The following AOPEP variants were observed in gnomAD, a reference collection of about 807,000 sequenced individuals.
The protein encoded by AOPEP is aminopeptidase O (putative).
A neutral mutation model predicts 98.1 loss-of-function variants in AOPEP; 77 were observed. The observed-to-expected ratio is 0.78, with a 90% CI of 0.65 to 0.95. AOPEP has a LOEUF of 0.95. Among genes scored for constraint, AOPEP ranks in the 40% least tolerant of loss-of-function variants. AOPEP has a pLI of 0.00. For missense variants in AOPEP, 1,024 were observed against 1,024.7 expected, an observed-to-expected ratio of 1.00 and a Z score of 0.01; for synonymous variants, 346 against 365.3, an observed-to-expected ratio of 0.95 and a Z score of 0.60.
chr9:94,789,150 C>T (rs1404530791), intron 3 of AOPEP, among the ~76,000 whole-genome samples: 2 of 152,238 alleles, frequency 1.3e-5, no homozygotes, highest in Non-Finnish European at 2.9e-5. Flanking sequence ...ATTCTAGCTT[C>T]CAGTATTCTG....
chr9:94,790,165 G>A (rs1289920309), intron 3 of AOPEP, among the ~76,000 whole-genome samples: 3 of 151,158 alleles, frequency 2.0e-5, no homozygotes, highest in Non-Finnish European at 4.4e-5. Flanking sequence ...GTGAGCCACC[G>A]CGCCCGGCCA....
chr9:94,803,665 G>C (rs1217378467), intron 5 of AOPEP, among the ~76,000 whole-genome samples: 1 of 152,110 alleles, frequency 6.6e-6, no homozygotes, highest in Non-Finnish European at 1.5e-5. Context: ...TTCAAACATG[G>C]CAGTAACTAG....
At chr9:94,928,357 C>A in intron 6 of AOPEP, 68 bp from the exon 7 acceptor site, 1 of 1,113,166 alleles carries the variant, frequency 9.0e-7, no homozygotes, top group Non-Finnish European at 1.3e-6. Context: ...CAAAGTGAGC[C>A]ATTGCACCAG....
intron 5 of AOPEP, among the ~76,000 whole-genome samples, chr9:94,855,496 C>A (rs2044078147): frequency 6.6e-6 from 1 of 152,082 alleles, no homozygotes; most frequent in Non-Finnish European, 1.5e-5. Flanking sequence ...CGAGACCAGC[C>A]TGACCAACGT....
the AOPEP span, among the ~76,000 whole-genome samples, chr9:95,119,368 T>C: frequency 3.4e-5 from 5 of 146,170 alleles, no homozygotes; most frequent in Non-Finnish European, 7.6e-5. Context: ...TCCTTTTCTT[T>C]TTTTTTTTTT....
chr9:94,786,488 G>A (rs925053535), intron 3 of AOPEP, among the ~76,000 whole-genome samples: 6 of 152,150 alleles, frequency 3.9e-5, no homozygotes, highest in African/African-American at 1.2e-4. Flanking sequence ...TTTGTTTTGG[G>A]AATGCATGCT....
rs113657409 is a variant in AOPEP, at chr9:94,728,239, G to GCGCGCGCGCGCGCGCGCGCGCACA, written c.-136+1489_-136+1490insGCGCGCGCGCGCGCGCGCGCACAC. On this transcript the variant is annotated intron_variant, in intron 1 of 16. Coordinates refer to ENST00000375315, the MANE Select transcript of AOPEP (RefSeq NM_001193329.3). ...TGTGATCCTTCCTGCGTGCGCGCAT[G>GCGCGCGCGCGCGCGCGCGCGCACA]CACACACACACACACACACACACAC... Among the ~76,000 whole-genome samples, 4 of 146,510 alleles carry GCGCGCGCGCGCGCGCGCGCGCACA rather than the reference G, an allele frequency of 2.7e-5. 1 individual carries two copies. The East Asian group carries it at 8.1e-4, about 30-fold the overall frequency.
chr9:94,855,602 G>A (rs1274944013), intron 5 of AOPEP, among the ~76,000 whole-genome samples: 1 of 152,180 alleles, frequency 6.6e-6, no homozygotes, highest in Non-Finnish European at 1.5e-5. Context: ...CAGGAGAATC[G>A]CTTGAACCTG....
intron 3 of AOPEP, among the ~76,000 whole-genome samples, chr9:94,785,631 C>T (rs1438649284): frequency 6.6e-6 from 1 of 152,214 alleles, no homozygotes; most frequent in Non-Finnish European, 1.5e-5. Flanking sequence ...CCAACCCTCT[C>T]TGTTAGTCTT....
At chr9:94,989,747 G>A (rs1259560319) in intron 11 of AOPEP, among the ~76,000 whole-genome samples, 4 of 151,652 alleles carry the variant, frequency 2.6e-5, no homozygotes, top group Admixed American at 6.6e-5. Context: ...GAGTAGCTGG[G>A]ATTACAGACA....
At chr9:94,870,033 A>C (rs2046160810) in intron 5 of AOPEP, among the ~76,000 whole-genome samples, 1 of 143,846 alleles carries the variant, frequency 7.0e-6, no homozygotes, top group Non-Finnish European at 1.5e-5. Flanking sequence ...TTATTGCCTA[A>C]GCTGGAATGC....
At chr9:95,096,985 G>A in the AOPEP span, among the ~76,000 whole-genome samples, 1 of 152,032 alleles carries the variant, frequency 6.6e-6, no homozygotes, top group Non-Finnish European at 1.5e-5. Flanking sequence ...GCAATGTCTG[G>A]AGAAAGTTTT....
intron 3 of AOPEP, among the ~76,000 whole-genome samples, chr9:94,791,453 A>C (rs1845697858): frequency 6.6e-6 from 1 of 151,770 alleles, no homozygotes; most frequent in African/African-American, 2.4e-5. Context: ...GGACTGCTTG[A>C]GCCCAGGAGT....
chr9:95,090,886 C>T (rs1164499637), downstream of AOPEP, among the ~76,000 whole-genome samples: 6 of 152,204 alleles, frequency 3.9e-5, no homozygotes, highest in African/African-American at 1.2e-4. Context: ...ATAATAGCCT[C>T]CATGCTAGGC....
the AOPEP span, among the ~76,000 whole-genome samples, chr9:95,097,909 T>C: frequency 6.6e-6 from 1 of 152,184 alleles, no homozygotes; most frequent in Non-Finnish European, 1.5e-5. Flanking sequence ...CGATGATTAA[T>C]GACTTAGGAT....
At chr9:94,984,666 C>T (rs922489197) in intron 11 of AOPEP, among the ~76,000 whole-genome samples, 1 of 152,156 alleles carries the variant, frequency 6.6e-6, no homozygotes, top group Admixed American at 6.5e-5. Context: ...TTAATCCTAC[C>T]TGTTACTTCT....
chr9:95,049,994 G>C (rs1443370817), intron 13 of AOPEP, among the ~76,000 whole-genome samples: 1 of 152,172 alleles, frequency 6.6e-6, no homozygotes, highest in Non-Finnish European at 1.5e-5. Flanking sequence ...TCTGGGTCCA[G>C]GCTGGAACTC....
At chr9:95,070,294 G>A (rs1056005106) in intron 14 of AOPEP, among the ~76,000 whole-genome samples, 2 of 152,230 alleles carry the variant, frequency 1.3e-5, no homozygotes, top group East Asian at 1.9e-4. Context: ...GTTTATTGCA[G>A]GGTAGACTTA....
the AOPEP span, among the ~76,000 whole-genome samples, chr9:95,137,119 G>A: frequency 3.9e-5 from 6 of 152,176 alleles, no homozygotes; most frequent in African/African-American, 4.8e-5. Flanking sequence ...GCCTCCCACC[G>A]ACCCAACAAC....
Sources: allele counts gnomAD v4.1 joint callset (sites outside exome capture counted in the v4.1 genomes callset), GRCh38; gene constraint gnomAD v4.1.1; transcripts MANE v1.5; gene names NCBI Gene and HGNC (gene_info 2026-07-23, HGNC 2026-07-21).